The following SCFD2 variants were observed in gnomAD, a reference collection of about 807,000 sequenced individuals.
SCFD2 encodes the protein sec1 family domain containing 2.
Under a neutral mutation model 58.9 loss-of-function variants are expected in SCFD2, and 54 were observed. That is an observed-to-expected ratio of 0.92 (90% confidence interval 0.74 to 1.15). SCFD2 has a LOEUF of 1.15. SCFD2 is among the 50% of genes most tolerant of loss of function. The pLI is 0.00. For missense variants in SCFD2, 805 were observed against 836.6 expected (o/e 0.96, Z 0.47); for synonymous variants, 321 against 335.9 (o/e 0.96, Z 0.49).
intron 5 of SCFD2, among the ~76,000 whole-genome samples, chr4:53,069,823 C>T (rs1723767679): frequency 1.3e-5 from 2 of 151,986 alleles, no homozygotes; most frequent in South Asian, 4.1e-4. Flanking sequence ...TTGTTTTCTC[C>T]CTGACACTTA....
In SCFD2 at chr4:52,873,094, A is replaced by T. The variant is rs1369178296; in HGVS notation, c.*875T>A. The T allele has an allele frequency of 6.6e-6, 1 of 152,178 alleles. No homozygotes were observed. Among genetic ancestry groups the T allele is most frequent in the Non-Finnish European group, 1.5e-5 (1 of 68,024 alleles). 9.4% of individuals were successfully genotyped at this position (152,178 alleles called of 1,614,324 possible). On this transcript the variant is annotated 3_prime_UTR_variant, in exon 9 of 9. Transcript: ENST00000401642. ...CGTTTTTGCCCTGGAGTTCTTACAA[A>T]GTTTCACTAGGTGGGTCTAGGTTTT...
chr4:53,192,840 C>T (rs973352951), intron 4 of SCFD2, among the ~76,000 whole-genome samples: 6 of 151,906 alleles, frequency 3.9e-5, no homozygotes, highest in Admixed American at 2.6e-4. Context: ...AATAAATGTG[C>T]TAATAGGATA....
intron 5 of SCFD2, among the ~76,000 whole-genome samples, chr4:53,027,207 T>G (rs1220691495): frequency 6.6e-6 from 1 of 152,082 alleles, no homozygotes; most frequent in Non-Finnish European, 1.5e-5. Context: ...AGGCCTTGTT[T>G]GTCCACCCTC....
intron 6 of SCFD2, among the ~76,000 whole-genome samples, chr4:52,910,884 G>T (rs1337209461): frequency 6.6e-6 from 1 of 152,142 alleles, no homozygotes; most frequent in Non-Finnish European, 1.5e-5. Context: ...CTGCTGTGAA[G>T]AAGAGCACGT....
chr4:53,251,416 C>A (rs892507823), intron 4 of SCFD2, among the ~76,000 whole-genome samples: 1 of 152,152 alleles, frequency 6.6e-6, no homozygotes, highest in Non-Finnish European at 1.5e-5. Flanking sequence ...CAAAGCCTGG[C>A]AGAGACACAA....
rs753950683 is a variant in SCFD2 at position 53,145,354 on chromosome 4, G to T, written c.1540C>A (p.Pro514Thr). 1.2e-6 allele frequency: 2 copies of T among 1,613,696 alleles called. No individual in the cohort carries two copies. Among genetic ancestry groups the T allele is most frequent in the South Asian group, 2.2e-5 (2 of 90,956 alleles). The change falls in exon 5 of 9, where the codon CCT becomes ACT. Residue 514 changes from proline (P) to threonine (T), a missense_variant. Physicochemically the swap from Pro to Thr is conservative, Grantham distance 38. Coordinates refer to ENST00000401642, the MANE Select transcript of SCFD2 (RefSeq NM_152540.4). ...TCACCCGTAATTTTTTGCAGCAAAG[G>T]TGACAATCCAGATTCCTCACAGAAG... ...QVFCEESGLS[P>T]LLQKITDWDS...
intron 7 of SCFD2, among the ~76,000 whole-genome samples, chr4:52,895,488 A>G (rs1348016710): frequency 1.3e-5 from 2 of 152,168 alleles, no homozygotes; most frequent in Non-Finnish European, 2.9e-5. Flanking sequence ...ATGTCCCTAC[A>G]AAGGACATGA....
intron 5 of SCFD2, among the ~76,000 whole-genome samples, chr4:52,998,322 G>A (rs908777235): frequency 1.3e-5 from 2 of 152,184 alleles, no homozygotes; most frequent in Non-Finnish European, 2.9e-5. Context: ...GCAGGAGATA[G>A]AAAATACTGT....
intron 5 of SCFD2, among the ~76,000 whole-genome samples, chr4:52,972,348 A>G (rs1245968634): frequency 6.6e-6 from 1 of 152,192 alleles, no homozygotes; most frequent in Non-Finnish European, 1.5e-5. Flanking sequence ...GAAAACAAAA[A>G]AAGGCAAGGG....
intron 1 of SCFD2, among the ~76,000 whole-genome samples, chr4:53,363,691 C>T (rs1319545913): frequency 3.3e-5 from 5 of 151,614 alleles, no homozygotes; most frequent in Admixed American, 1.3e-4. Context: ...GGCGTAGTGG[C>T]GGGCGCCTGT....
At chr4:53,215,648 G>C (rs370988233) in intron 4 of SCFD2, among the ~76,000 whole-genome samples, 1 of 152,018 alleles carries the variant, frequency 6.6e-6, no homozygotes, top group African/African-American at 2.4e-5. Flanking sequence ...TCCTTCTCCT[G>C]CCTGATTGTC....
At chr4:52,893,387 C>T (rs1000646124) in intron 7 of SCFD2, among the ~76,000 whole-genome samples, 1 of 152,240 alleles carries the variant, frequency 6.6e-6, no homozygotes. Flanking sequence ...CTTATATGAA[C>T]AATGTGGAAT....
intron 4 of SCFD2, among the ~76,000 whole-genome samples, chr4:53,154,454 G>T (rs1050910504): frequency 6.6e-6 from 1 of 152,186 alleles, no homozygotes; most frequent in African/African-American, 2.4e-5. Context: ...TGTGAGGAGG[G>T]CACCTAGGAA....
intron 4 of SCFD2, among the ~76,000 whole-genome samples, chr4:53,208,597 C>A (rs1042072590): frequency 1.5e-4 from 23 of 152,142 alleles, no homozygotes; most frequent in African/African-American, 5.6e-4. Context: ...GACTCCTAGT[C>A]GTGTGTGTTC....
chr4:53,079,783 G>C (rs187498432), intron 5 of SCFD2, among the ~76,000 whole-genome samples: 2 of 152,162 alleles, frequency 1.3e-5, no homozygotes, highest in African/African-American at 4.8e-5. Flanking sequence ...CTATCCAATT[G>C]CAAGTCCTCA....
chr4:53,294,547 CAGAT>C (rs1446936664), intron 3 of SCFD2, among the ~76,000 whole-genome samples: 2 of 152,052 alleles, frequency 1.3e-5, no homozygotes, highest in South Asian at 2.1e-4. Context: ...AGCCCTTTGT[CAGAT>C]AGATAGATTG....
chr4:53,175,236 T>TA (rs1443934344), intron 4 of SCFD2, among the ~76,000 whole-genome samples: 6 of 152,204 alleles, frequency 3.9e-5, no homozygotes, highest in Admixed American at 2.6e-4. Context: ...TTTTATTTCT[T>TA]AAAACAAAGC....
intron 5 of SCFD2, among the ~76,000 whole-genome samples, chr4:53,139,010 G>A (rs562450289): frequency 5.5e-4 from 84 of 152,266 alleles, no homozygotes; most frequent in Non-Finnish European, 8.4e-4. Context: ...GCCTGGGATT[G>A]CAGGTGCGCG....
chr4:53,230,523 C>CA lies in SCFD2; in HGVS notation c.1311+43302dup, dbSNP rs1172069154. 2.3e-4 allele frequency among the ~76,000 whole-genome samples: 34 copies of CA among 149,004 alleles called. No individual in the cohort carries two copies. The East Asian group carries it at 4.0e-3, about 18-fold the overall frequency. On this transcript the variant is annotated intron_variant, in intron 4 of 8. Coordinates refer to ENST00000401642, the MANE Select transcript of SCFD2 (RefSeq NM_152540.4). ...CATTCTCAGCAAACTATCGCAAGGA[C>CA]AAAAAACCAAACACCGCATGTTCTC...
Sources: gnomAD v4.1 joint callset for allele counts (sites outside exome capture counted in the v4.1 genomes callset) on GRCh38, gnomAD v4.1.1 for gene constraint, MANE v1.5 for transcripts, NCBI Gene and HGNC (gene_info 2026-07-23, HGNC 2026-07-21) for gene names.